NDRG2: variants seen among roughly 807,000 people sequenced by gnomAD.
NDRG2 encodes NDRG family member 2.
NDRG2 carries 34 observed loss-of-function variants against 58.2 expected under a neutral mutation model. The ratio of observed to expected loss-of-function variants is 0.58; its 90% CI spans 0.44 to 0.78. The LOEUF (loss-of-function observed/expected upper bound fraction) is 0.78. NDRG2 is among the 30% of genes least tolerant of loss of function. The pLI is 0.00. For synonymous variants in NDRG2, 187 were observed against 175.9 expected (o/e 1.06, Z -0.50); for missense variants, 434 against 471.2 (o/e 0.92, Z 0.73).
chr14:21,066,325 GTTTT>G (rs71416998), intron 1 of NDRG2, among the ~76,000 whole-genome samples: 1 of 142,562 alleles, frequency 7.0e-6, no homozygotes, highest in Non-Finnish European at 1.5e-5. Context: ...TGTTTTTTTT[GTTTT>G]TTTTTTTTGG....
chr14:21,041,775 G>T (rs934579090), intron 1 of NDRG2, among the ~76,000 whole-genome samples: 2 of 152,230 alleles, frequency 1.3e-5, no homozygotes, highest in Non-Finnish European at 2.9e-5. Context: ...GCCTTGGTTG[G>T]TACCTGGAAC....
rs188990860 is a variant in NDRG2, at chr14:21,020,853, G to A, written c.408-9C>T. 2 of 1,613,216 alleles carry A rather than the reference G, an allele frequency of 1.2e-6. No homozygotes were observed. Among genetic ancestry groups the A allele is most frequent in the Admixed American group, 1.7e-5 (1 of 59,766 alleles). On this transcript the variant is annotated splice_polypyrimidine_tract_variant and intron_variant, in intron 6 of 15. Transcript: ENST00000556147. The stretch of plus-strand genomic sequence containing the variant: ...CAATTATTGTAGAGAAACTGTGAAA[G>A]GGAAAGAAATATACGCCTCATGGGA...
At chr14:21,044,522 C>T (rs1019814509) in intron 1 of NDRG2, among the ~76,000 whole-genome samples, 1 of 152,200 alleles carries the variant, frequency 6.6e-6, no homozygotes, top group Admixed American at 6.5e-5. Flanking sequence ...AATGATCTCC[C>T]CTGCCTCATT....
In NDRG2 at chr14:21,023,304, C is replaced by T; in HGVS notation, c.12G>A (p.Leu4=). Residue 4 remains leucine (L), a synonymous_variant, in exon 2 of 16, where the codon CTG becomes CTA. Transcript: ENST00000556147. ...TCTCCTCTGTGATCTGCACCTCCTG[C>T]AGCTCCGCCATGGTGGCCTGGCAGG... MAE[L]QEVQITEEKP... 1.2e-6 allele frequency: 2 copies of T among 1,613,672 alleles called. No individual in the cohort carries two copies. The highest frequency in any genetic ancestry group is 2.7e-5 in the African/African-American group (2 of 75,058).
intron 15 of NDRG2, 40 bp from the exon 16 acceptor site, chr14:21,017,802 G>A: frequency 2.5e-6 from 4 of 1,604,722 alleles, no homozygotes; most frequent in Non-Finnish European, 2.6e-6. Flanking sequence ...CAGAGAGGAA[G>A]TGGGGAAGGG....
chr14:21,039,944 A>G (rs527503379), intron 1 of NDRG2, among the ~76,000 whole-genome samples: 174 of 152,334 alleles, frequency 1.1e-3, no homozygotes, highest in Non-Finnish European at 2.2e-3. Flanking sequence ...ACTCTAGGAT[A>G]ATGAGAAGTA....
intron 1 of NDRG2, among the ~76,000 whole-genome samples, chr14:21,063,887 C>T (rs1367438808): frequency 6.6e-6 from 1 of 152,176 alleles, no homozygotes; most frequent in Non-Finnish European, 1.5e-5. Flanking sequence ...ATGGAGATAG[C>T]TTGTCCCATT....
At chr14:21,061,038 C>T (rs4982398) in intron 1 of NDRG2, among the ~76,000 whole-genome samples, 125,836 of 152,164 alleles carry the variant, frequency 0.83, 52,582 homozygotes, top group Admixed American at 0.89. Context: ...AGATTCACTA[C>T]CTTGTTGAGA....
intron 3 of NDRG2, 165 bp downstream of exon 3, chr14:21,022,699 G>A (rs1881247732): frequency 1.5e-6 from 1 of 683,960 alleles, no homozygotes; most frequent in African/African-American, 1.8e-5. Context: ...AGATTAGAGA[G>A]AGAAGAGGAG....
chr14:21,041,594 G>A (rs1884897880), intron 1 of NDRG2, among the ~76,000 whole-genome samples: 1 of 152,116 alleles, frequency 6.6e-6, no homozygotes, highest in Non-Finnish European at 1.5e-5. Flanking sequence ...CCACCACAAG[G>A]AACAGGACAT....
Position 21,021,854 on chromosome 14 carries a change from G to C in NDRG2, c.370C>G (p.Leu124Val). The C allele has an allele frequency of 6.2e-7, 1 of 1,613,418 alleles. No individual in the cohort carries two copies. Among genetic ancestry groups the C allele is most frequent in the Non-Finnish European group, 8.5e-7 (1 of 1,179,684 alleles). The change falls in exon 6 of 16, where the codon CTT becomes GTT. Residue 124 changes from leucine (L) to valine (V), a missense_variant. Physicochemically the swap from Leu to Val is conservative, Grantham distance 32. Transcript: ENST00000556147. ...AGGACGCAAGGGATCATGTCTGCAA[G>C]CTGGTCCAGAGATGGGTACTGATAT... ...LGYQYPSLDQ[L>V]ADMIPCVLQY...
At chr14:21,060,059 A>AC (rs1885879629) in intron 1 of NDRG2, among the ~76,000 whole-genome samples, 1 of 151,412 alleles carries the variant, frequency 6.6e-6, no homozygotes. Flanking sequence ...TCAACAAGAC[A>AC]CCCCCTCTTC....
intron 1 of NDRG2, chr14:21,034,279 C>T: frequency 6.2e-7 from 1 of 1,609,930 alleles, no homozygotes; most frequent in Non-Finnish European, 8.5e-7. Context: ...CGGGTCACAG[C>T]TGGTGCCATT....
In NDRG2 at chr14:21,020,501, G is replaced by C. The variant is rs1441110957; in HGVS notation, c.550C>G (p.His184Asp). ...NAKGWMDWAA[H>D]KLTGLTSSIP... ...GCACACAGGCCCCTCCAAACCTTGT[G>C]GGCTGCCCAATCCATCCAACCCTTG... Residue 184 changes from histidine (H) to aspartate (D), a missense_variant, in exon 8 of 16, where the codon CAC (histidine) becomes GAC (aspartate). Coordinates refer to ENST00000556147, the MANE Select transcript of NDRG2 (RefSeq NM_001320329.2). The C allele has an allele frequency of 1.9e-6, 3 of 1,613,044 alleles. No individual in the cohort carries two copies. The highest frequency in any genetic ancestry group is 1.7e-5 in the Admixed American group (1 of 59,926).
intron 1 of NDRG2, among the ~76,000 whole-genome samples, chr14:21,057,618 CATATATAT>C (rs57420807): frequency 8.1e-6 from 1 of 122,896 alleles, no homozygotes; most frequent in African/African-American, 3.4e-5. Flanking sequence ...TCATTTTATT[CATATATAT>C]ATATATATAT....
In NDRG2 at chr14:21,017,624, G is replaced by A. The variant is rs374457004; in HGVS notation, c.1088C>T (p.Pro363Leu). 3.0e-5 allele frequency: 49 copies of A among 1,613,474 alleles called. No homozygotes were observed. Among genetic ancestry groups the A allele is most frequent in the South Asian group, 6.6e-5 (6 of 90,902 alleles). Residue 363 changes from proline (P) to leucine (L), a missense_variant, in exon 16 of 16, where the codon CCG (proline) becomes CTG (leucine). Transcript: ENST00000556147. ...SESGTLSSGPPGHTMEVSC is the reference protein window; with the variant it reads ...SESGTLSSGPLGHTMEVSC ...ACAGGAGACCTCCATGGTGTGCCCC[G>A]GGGGCCCCGAAGAAAGAGTTCCAGA...
intron 1 of NDRG2, chr14:21,033,851 T>G (rs1412127419): frequency 6.2e-7 from 1 of 1,613,746 alleles, no homozygotes; most frequent in South Asian, 1.1e-5. Context: ...CGATACCTAT[T>G]GGATCAGCTT....
intron 1 of NDRG2, chr14:21,058,371 C>T (rs552309346): frequency 6.4e-6 from 10 of 1,550,650 alleles, no homozygotes; most frequent in African/African-American, 4.1e-5. Flanking sequence ...CTGGTGCCCA[C>T]GTTCCACCTC....
rs1274202377 is a variant in NDRG2, at chr14:21,070,785, C to A, written c.24+43G>T. ...AGACCCCTGCGGGTTGGTCCTGCAG[C>A]GACCCTGGAAGAGGCCCGGCCCCTC... is the stretch of plus-strand genomic sequence containing the variant. On this transcript the variant is annotated intron_variant, in intron 1 of 14. Coordinates refer to the NDRG2 transcript ENST00000403829. The surrounding 1 kb of genome is among the most constrained non-coding windows in gnomAD (Gnocchi z 4.7). The A allele has an allele frequency of 6.5e-7, 1 of 1,533,462 alleles. No individual in the cohort carries two copies. The highest frequency in any genetic ancestry group is 2.5e-5 in the East Asian group (1 of 40,762). The allele number at this position is 1,533,462 out of a possible 1,614,324, so 95.0% of individuals were successfully genotyped here.
Sources: allele counts gnomAD v4.1 joint callset (sites outside exome capture counted in the v4.1 genomes callset), GRCh38; gene constraint gnomAD v4.1.1; non-coding constraint Gnocchi (gnomAD v3.1); transcripts MANE v1.5; gene names NCBI Gene and HGNC (gene_info 2026-07-23, HGNC 2026-07-21).